GRIK4: variants seen among roughly 807,000 people sequenced by gnomAD.
GRIK4 encodes glutamate ionotropic receptor kainate type subunit 4.
A neutral mutation model predicts 104.9 loss-of-function variants in GRIK4; 40 were observed. That is an observed-to-expected ratio of 0.38 (90% CI 0.30 to 0.50). The LOEUF is 0.50. Among genes scored for constraint, GRIK4 ranks in the 20% least tolerant of loss-of-function variants. The probability of loss-of-function intolerance (pLI) is 0.93; values close to 1 mark genes in which losing one functional copy is unlikely to be tolerated. For missense variants in GRIK4, 1,047 were observed against 1,308.1 expected (o/e 0.80, Z 3.08); for synonymous variants, 485 against 524.9 (o/e 0.92, Z 1.04).
intron 8 of GRIK4, among the ~76,000 whole-genome samples, chr11:120,856,963 C>A (rs1312344060): frequency 6.6e-6 from 1 of 152,200 alleles, no homozygotes; most frequent in East Asian, 1.9e-4. Flanking sequence ...CTTGCAGAAG[C>A]TGCCCACAAG....
intron 1 of GRIK4, among the ~76,000 whole-genome samples, chr11:120,567,558 A>G (rs561710544): frequency 6.6e-6 from 1 of 152,334 alleles, no homozygotes; most frequent in South Asian, 2.1e-4. Flanking sequence ...TAGCAGAGCA[A>G]AGGGTTTGGT....
intron 20 of GRIK4, among the ~76,000 whole-genome samples, chr11:120,982,612 G>T (rs1944670760): frequency 6.6e-6 from 1 of 152,140 alleles, no homozygotes; most frequent in Admixed American, 6.5e-5. Flanking sequence ...CCCAGCTGTG[G>T]CTTAGAGACA....
At chr11:120,941,525 C>T (rs755725467) in intron 14 of GRIK4, among the ~76,000 whole-genome samples, 99 of 152,230 alleles carry the variant, frequency 6.5e-4, no homozygotes, top group Non-Finnish European at 1.2e-3. Flanking sequence ...AATTTCTAAC[C>T]TCTAGGACCT....
chr11:120,908,127 T>C (rs1204339047), intron 13 of GRIK4, among the ~76,000 whole-genome samples: 1 of 152,112 alleles, frequency 6.6e-6, no homozygotes, highest in African/African-American at 2.4e-5. Context: ...AGCCATTGCA[T>C]CTAAATCTGT....
intron 6 of GRIK4, among the ~76,000 whole-genome samples, chr11:120,831,342 C>T (rs948575703): frequency 3.9e-5 from 6 of 152,230 alleles, no homozygotes; most frequent in African/African-American, 1.4e-4. Flanking sequence ...GGCCTGAGCC[C>T]TTCACACGTG....
chr11:120,747,858 A>G (rs1418078879), intron 3 of GRIK4, among the ~76,000 whole-genome samples: 1 of 152,212 alleles, frequency 6.6e-6, no homozygotes, highest in East Asian at 1.9e-4. Context: ...ATGCAAACCT[A>G]TGCACACACA....
chr11:120,914,197 C>T (rs529895963), intron 13 of GRIK4, among the ~76,000 whole-genome samples: 4 of 152,190 alleles, frequency 2.6e-5, no homozygotes, highest in Non-Finnish European at 4.4e-5. Context: ...GTAAGGAGTT[C>T]AGGATCTACT....
rs919276364 is a variant in GRIK4 at position 120,555,030 on chromosome 11, T to C, written c.-159+43143T>C. Among the ~76,000 whole-genome samples, 1 of 152,196 alleles carries C rather than the reference T, an allele frequency of 6.6e-6. No individual in the cohort carries two copies. Among genetic ancestry groups the C allele is most frequent in the Non-Finnish European group, 1.5e-5 (1 of 68,028 alleles). ...ACAGGCATCCCGTAAAGGTAGTCCATGCGAGTCCACAGAAGCTGGTTGCCT... is the reference window on the plus strand; with the variant it reads ...ACAGGCATCCCGTAAAGGTAGTCCACGCGAGTCCACAGAAGCTGGTTGCCT... On this transcript the variant is annotated intron_variant, in intron 1 of 20. Coordinates refer to ENST00000527524, the MANE Select transcript of GRIK4 (RefSeq NM_014619.5). The surrounding 1 kb of genome is among the most constrained non-coding windows in gnomAD (Gnocchi z 5.3).
intron 3 of GRIK4, among the ~76,000 whole-genome samples, chr11:120,766,398 G>C (rs1272526314): frequency 6.6e-6 from 1 of 152,216 alleles, no homozygotes; most frequent in Non-Finnish European, 1.5e-5. Context: ...CTCAGTGAGG[G>C]TGGGATCCAC....
At chr11:120,885,310 T>G (rs781273599) in intron 11 of GRIK4, among the ~76,000 whole-genome samples, 5 of 152,172 alleles carry the variant, frequency 3.3e-5, no homozygotes, top group Admixed American at 3.3e-4. Context: ...CCAAAAATGT[T>G]TAGAAGTGAG....
intron 12 of GRIK4, among the ~76,000 whole-genome samples, chr11:120,899,595 A>G (rs1026862816): frequency 1.3e-5 from 2 of 152,112 alleles, no homozygotes; most frequent in African/African-American, 4.8e-5. Flanking sequence ...TCTGTTCTCT[A>G]TCCTGAGGTT....
intron 3 of GRIK4, among the ~76,000 whole-genome samples, chr11:120,724,226 G>A (rs1258788156): frequency 2.0e-5 from 3 of 152,170 alleles, no homozygotes; most frequent in African/African-American, 7.2e-5. Flanking sequence ...GTAGCTCACT[G>A]TAACCATGAA....
At chr11:120,702,486 C>A (rs768968680) in intron 3 of GRIK4, among the ~76,000 whole-genome samples, 7 of 152,160 alleles carry the variant, frequency 4.6e-5, no homozygotes, top group Non-Finnish European at 8.8e-5. Context: ...AATCAATATA[C>A]AGATTGTACT....
chr11:120,683,839 G>C (rs1307798161), intron 3 of GRIK4, among the ~76,000 whole-genome samples: 4 of 152,112 alleles, frequency 2.6e-5, no homozygotes, highest in African/African-American at 9.7e-5. Context: ...GTAAAGAAGG[G>C]TCTTGACAGA....
At chr11:120,707,697 C>T (rs1051639796) in intron 3 of GRIK4, among the ~76,000 whole-genome samples, 4 of 152,178 alleles carry the variant, frequency 2.6e-5, no homozygotes, top group African/African-American at 9.7e-5. Flanking sequence ...CATGTAGCAT[C>T]AGCTGAATGG....
At chr11:120,927,165 GCCA>G (rs1943365397) in intron 13 of GRIK4, among the ~76,000 whole-genome samples, 1 of 135,168 alleles carries the variant, frequency 7.4e-6, no homozygotes, top group Admixed American at 8.1e-5. Flanking sequence ...CGCCTGGTGG[GCCA>G]CGGTAAGGAG....
intron 8 of GRIK4, among the ~76,000 whole-genome samples, chr11:120,847,762 T>A (rs977817505): frequency 6.6e-6 from 1 of 152,228 alleles, no homozygotes; most frequent in African/African-American, 2.4e-5. Flanking sequence ...GAAAGGCATA[T>A]TCCCAAGTGG....
chr11:120,631,351 C>T (rs1180339939), intron 1 of GRIK4, among the ~76,000 whole-genome samples: 1 of 152,140 alleles, frequency 6.6e-6, no homozygotes, highest in Non-Finnish European at 1.5e-5. Flanking sequence ...TGAGTTTCGG[C>T]GTTTCTCATG....
intron 11 of GRIK4, among the ~76,000 whole-genome samples, chr11:120,884,503 A>G (rs566166245): frequency 6.6e-6 from 1 of 152,374 alleles, no homozygotes; most frequent in East Asian, 1.9e-4. Context: ...CAGCTGTACC[A>G]GGCTGGCCAC....
Sources: gnomAD v4.1 joint callset for allele counts (sites outside exome capture counted in the v4.1 genomes callset) on GRCh38, gnomAD v4.1.1 for gene constraint, Gnocchi (gnomAD v3.1) non-coding constraint, MANE v1.5 for transcripts, NCBI Gene and HGNC (gene_info 2026-07-23, HGNC 2026-07-21) for gene names.